The following CFAP77 variants were observed in gnomAD, a reference collection of about 807,000 sequenced individuals.
CFAP77 encodes the protein cilia and flagella associated protein 77.
Under a neutral mutation model 31.1 loss-of-function variants are expected in CFAP77, and 25 were observed. The ratio of observed to expected loss-of-function variants is 0.80; its 90% confidence interval spans 0.59 to 1.12. The LOEUF is 1.12. Ranked by LOEUF, CFAP77 falls within the 50% of genes most tolerant of loss-of-function variation. The probability of loss-of-function intolerance (pLI) is 0.00; values close to 1 mark genes in which losing one functional copy is unlikely to be tolerated. For synonymous variants in CFAP77, 151 were observed against 159.9 expected (o/e 0.94, Z 0.42); for missense variants, 377 against 397.3 (o/e 0.95, Z 0.44).
chr9:132,505,830 G>A (rs1030812932), intron 3 of CFAP77, among the ~76,000 whole-genome samples: 6 of 152,106 alleles, frequency 3.9e-5, no homozygotes, highest in Admixed American at 3.9e-4. Flanking sequence ...GTCCAGGTAG[G>A]CACGGAGTTT....
chr9:132,452,738 G>T (rs551969139), intron 1 of CFAP77, among the ~76,000 whole-genome samples: 2 of 152,270 alleles, frequency 1.3e-5, no homozygotes, highest in East Asian at 3.9e-4. Flanking sequence ...GAGTGTGACG[G>T]ATCTGTTGCT....
At chr9:132,450,005 C>T (rs190746194) in intron 1 of CFAP77, among the ~76,000 whole-genome samples, 9 of 152,212 alleles carry the variant, frequency 5.9e-5, no homozygotes, top group South Asian at 2.1e-4. Context: ...CTCCGCCTCC[C>T]GGGTTCACGC....
chr9:132,434,228 C>T (rs1006694764), intron 1 of CFAP77, among the ~76,000 whole-genome samples: 56 of 152,258 alleles, frequency 3.7e-4, no homozygotes, highest in African/African-American at 1.3e-3. Context: ...ACCCCATCCC[C>T]GCTCTGAGGT....
chr9:132,446,254 C>T (rs191304981), intron 1 of CFAP77, among the ~76,000 whole-genome samples: 78 of 152,208 alleles, frequency 5.1e-4, no homozygotes, highest in African/African-American at 1.7e-3. Flanking sequence ...TCTGCTCGGT[C>T]GTGCCAGAGA....
intron 1 of CFAP77, among the ~76,000 whole-genome samples, chr9:132,473,087 T>A (rs1466185449): frequency 6.6e-6 from 1 of 152,104 alleles, no homozygotes; most frequent in Non-Finnish European, 1.5e-5. Flanking sequence ...GGGACCCCTC[T>A]GTGAGAGGGA....
chr9:132,442,692 T>C (rs1262891351), intron 1 of CFAP77, among the ~76,000 whole-genome samples: 1 of 152,088 alleles, frequency 6.6e-6, no homozygotes, highest in Admixed American at 6.6e-5. Context: ...CGCATGATAT[T>C]CGATCATTTT....
chr9:132,510,482 G>A (rs1299075452), intron 3 of CFAP77, among the ~76,000 whole-genome samples: 3 of 152,202 alleles, frequency 2.0e-5, no homozygotes, highest in Non-Finnish European at 4.4e-5. Flanking sequence ...AGATGGTGCT[G>A]CTGTGAGCCA....
intron 1 of CFAP77, among the ~76,000 whole-genome samples, chr9:132,465,632 GA>G (rs1312679540): frequency 6.6e-6 from 1 of 151,556 alleles, no homozygotes; most frequent in East Asian, 1.9e-4. Context: ...GGGTGAGATG[GA>G]AAAAAAGGGG....
chr9:132,492,074 G>T (rs975843278), intron 1 of CFAP77, among the ~76,000 whole-genome samples: 1 of 152,168 alleles, frequency 6.6e-6, no homozygotes, highest in Non-Finnish European at 1.5e-5. Flanking sequence ...GATTGCTTGA[G>T]GCCAGGAGTT....
At chr9:132,459,743 AGT>A (rs759634912) in intron 1 of CFAP77, among the ~76,000 whole-genome samples, 66 of 124,700 alleles carry the variant, frequency 5.3e-4, no homozygotes, top group East Asian at 1.6e-3. Context: ...TATGTGTGTG[AGT>A]GTGTGTGTAT....
In CFAP77 at chr9:132,421,950, G is replaced by A. The variant is rs557837572; in HGVS notation, c.195+11484G>A. On this transcript the variant is annotated intron_variant, in intron 1 of 5. Transcript: ENST00000393216. The stretch of plus-strand genomic sequence containing the variant: ...CCATTTGCAAAATGTTTATTGAGGA[G>A]CTGTTATGTGTGCTGGGCCTTGGGG... 2.0e-4 allele frequency among the ~76,000 whole-genome samples: 30 copies of A among 152,046 alleles called. No homozygotes were observed. In the South Asian group the frequency reaches 5.6e-3, roughly 29 times the overall value.
intron 3 of CFAP77, among the ~76,000 whole-genome samples, chr9:132,525,286 C>T (rs1427918384): frequency 6.6e-6 from 1 of 152,154 alleles, no homozygotes; most frequent in East Asian, 1.9e-4. Flanking sequence ...TCCTAAAGTG[C>T]TGGGATTACA....
chr9:132,430,806 C>T (rs575502989), intron 1 of CFAP77, among the ~76,000 whole-genome samples: 12 of 149,870 alleles, frequency 8.0e-5, no homozygotes, highest in Admixed American at 1.3e-4. Context: ...CCAGATAAAA[C>T]GTAAAAAAAA....
At chr9:132,436,321 C>A (rs1346904271) in intron 1 of CFAP77, among the ~76,000 whole-genome samples, 1 of 152,194 alleles carries the variant, frequency 6.6e-6, no homozygotes, top group African/African-American at 2.4e-5. Context: ...TGTGTCTTCT[C>A]ATATTCTCTC....
intron 1 of CFAP77, among the ~76,000 whole-genome samples, chr9:132,442,837 C>T (rs576511987): frequency 5.3e-4 from 80 of 152,184 alleles, no homozygotes; most frequent in Admixed American, 1.2e-3. Context: ...CCACCACACA[C>T]GGCCAAACCA....
Position 132,420,017 on chromosome 9 carries a change from C to T in CFAP77, c.195+9551C>T, listed in dbSNP as rs148126353. Reference sequence around the variant, plus strand: ...ATCCACAAAATTTTAAAAAATTAGGCGGGTGTGGTAGTGTGCACCTGTAGT... The same window carrying T: ...ATCCACAAAATTTTAAAAAATTAGGTGGGTGTGGTAGTGTGCACCTGTAGT... On this transcript the variant is annotated intron_variant, in intron 1 of 5. Coordinates refer to ENST00000393216, the MANE Select transcript of CFAP77 (RefSeq NM_001282957.2). 7.4e-3 allele frequency among the ~76,000 whole-genome samples: 1,121 copies of T among 151,902 alleles called. 16 individuals carry two copies. The highest frequency in any genetic ancestry group is 0.026 in the African/African-American group (1,090 of 41,406).
At chr9:132,476,735 G>T (rs1851351959) in intron 1 of CFAP77, among the ~76,000 whole-genome samples, 1 of 152,126 alleles carries the variant, frequency 6.6e-6, no homozygotes, top group Non-Finnish European at 1.5e-5. Flanking sequence ...GCAGAGATTG[G>T]AGTGATACAG....
chr9:132,558,238 G>C (rs978715136), intron 5 of CFAP77, among the ~76,000 whole-genome samples: 5 of 152,114 alleles, frequency 3.3e-5, no homozygotes, highest in South Asian at 4.1e-4. Context: ...AAAATATATA[G>C]CCCACTACAT....
intron 3 of CFAP77, among the ~76,000 whole-genome samples, chr9:132,503,534 A>G (rs1311406989): frequency 6.6e-6 from 1 of 152,112 alleles, no homozygotes; most frequent in Non-Finnish European, 1.5e-5. Context: ...TGACACATAT[A>G]CTAATCACAG....
Sources: gnomAD v4.1 joint callset for allele counts (sites outside exome capture counted in the v4.1 genomes callset) on GRCh38, gnomAD v4.1.1 for gene constraint, MANE v1.5 for transcripts, NCBI Gene and HGNC (gene_info 2026-07-23, HGNC 2026-07-21) for gene names.